RABGAP1L: variants seen among roughly 807,000 people sequenced by gnomAD.
RABGAP1L encodes the protein rab GTPase-activating protein 1-like.
RABGAP1L carries 63 observed loss-of-function variants against 137.7 expected under a neutral mutation model. That is an observed-to-expected ratio of 0.46 (90% confidence interval 0.37 to 0.56). The LOEUF (loss-of-function observed/expected upper bound fraction) is 0.56, where lower values mean the gene tolerates loss of function less well. Among genes scored for constraint, RABGAP1L ranks in the 20% least tolerant of loss-of-function variants. The pLI, the probability that RABGAP1L is intolerant of heterozygous loss-of-function variation, is 0.00. For synonymous variants in RABGAP1L, 431 were observed against 433.7 expected, an observed-to-expected ratio of 0.99 and a Z score of 0.08; for missense variants, 1,095 against 1,244.0, an observed-to-expected ratio of 0.88 and a Z score of 1.80.
In RABGAP1L at chr1:174,437,172, C is replaced by T. The variant is rs948954169; in HGVS notation, c.1710+43027C>T. ...TAAAAATCAGAGTGCCTCTCCTCCT[C>T]CAAAGGAACGCAGCTCCTCACCAGC... On this transcript the variant is annotated intron_variant, in intron 13 of 25. Coordinates refer to ENST00000681986, the MANE Select transcript of RABGAP1L (RefSeq NM_001366446.1). 3.9e-5 allele frequency among the ~76,000 whole-genome samples: 6 copies of T among 152,168 alleles called. No individual in the cohort carries two copies. In the South Asian group the frequency reaches 6.2e-4, roughly 16 times the overall value.
intron 19 of RABGAP1L, among the ~76,000 whole-genome samples, chr1:174,912,588 A>G (rs1660222780): frequency 6.6e-6 from 1 of 152,212 alleles, no homozygotes; most frequent in Admixed American, 6.5e-5. Flanking sequence ...GTCTAATCTG[A>G]TAAGTTTATT....
chr1:174,448,201 A>G lies in RABGAP1L; in HGVS notation c.1710+54056A>G. Reference sequence around the variant, plus strand: ...CCGAGCGTCACTCCTGCCCACTTGGATTTGGCCACTACAGTGTGGTGGATG... The same window carrying G: ...CCGAGCGTCACTCCTGCCCACTTGGGTTTGGCCACTACAGTGTGGTGGATG... On this transcript the variant is annotated intron_variant, in intron 13 of 25. Coordinates refer to ENST00000681986, the MANE Select transcript of RABGAP1L (RefSeq NM_001366446.1). The surrounding 1 kb of genome is among the most constrained non-coding windows in gnomAD (Gnocchi z 4.2). 6.2e-7 allele frequency: 1 copy of G among 1,613,916 alleles called. No homozygotes were observed. The highest frequency in any genetic ancestry group is 8.5e-7 in the Non-Finnish European group (1 of 1,179,938).
chr1:174,316,515 G>A (rs929427563), intron 11 of RABGAP1L, among the ~76,000 whole-genome samples: 3 of 152,174 alleles, frequency 2.0e-5, no homozygotes, highest in African/African-American at 7.2e-5. Flanking sequence ...GATGGTCTTG[G>A]ATAAGATCTG....
intron 11 of RABGAP1L, among the ~76,000 whole-genome samples, 173 bp from the exon 12 acceptor site, chr1:174,370,802 ATATC>A (rs1033874395): frequency 6.6e-6 from 1 of 151,982 alleles, no homozygotes; most frequent in Non-Finnish European, 1.5e-5. Flanking sequence ...TTCTTTTAAA[ATATC>A]TAGGCACTGA....
At position 174,827,503 on chromosome 1, in the gene RABGAP1L, G is replaced by A. The variant is rs1691701062; in HGVS notation, c.2340+15543G>A. On this transcript the variant is annotated intron_variant, in intron 19 of 25. Transcript: ENST00000681986. ...TAACAGTGTTGTTCTCATAGTAACT[G>A]AGTGCGCATTTCTTCTCAATTTCTC... 1.6e-5 allele frequency among the ~76,000 whole-genome samples: 2 copies of A among 122,048 alleles called. 1 individual carries two copies. The highest frequency in any genetic ancestry group is 3.7e-5 in the Non-Finnish European group (2 of 53,798). 80.1% of individuals were successfully genotyped at this position (122,048 alleles called of 152,430 possible).
intron 13 of RABGAP1L, among the ~76,000 whole-genome samples, chr1:174,513,680 C>T (rs1662552533): frequency 6.6e-6 from 1 of 152,102 alleles, no homozygotes; most frequent in East Asian, 1.9e-4. Flanking sequence ...TAGACTAAAT[C>T]ATTATTATAA....
At chr1:174,646,530 G>A (rs983300098) in intron 14 of RABGAP1L, among the ~76,000 whole-genome samples, 4 of 152,102 alleles carry the variant, frequency 2.6e-5, no homozygotes, top group Non-Finnish European at 5.9e-5. Flanking sequence ...TAGATGTGTG[G>A]TGTTATTTCT....
chr1:174,460,389 C>T (rs906996172), intron 13 of RABGAP1L, among the ~76,000 whole-genome samples: 4 of 152,008 alleles, frequency 2.6e-5, no homozygotes, highest in Non-Finnish European at 5.9e-5. Flanking sequence ...ATGATAATGA[C>T]TGTTGATTTT....
At chr1:174,596,063 C>G (rs1025270283) in intron 13 of RABGAP1L, among the ~76,000 whole-genome samples, 3 of 118,746 alleles carry the variant, frequency 2.5e-5, no homozygotes, top group African/African-American at 1.2e-4. Context: ...CGTGGTGCGC[C>G]GTTTCTTAAG....
At position 174,917,932 on chromosome 1, in the gene RABGAP1L, TAAAAA is replaced by T. The variant is rs77326102; in HGVS notation, c.2341-39511_2341-39507del. On this transcript the variant is annotated intron_variant, in intron 19 of 25. Coordinates refer to ENST00000681986, the MANE Select transcript of RABGAP1L (RefSeq NM_001366446.1). ...TGGGTGACAGAGTGAGACTCTGTCT[TAAAAA>T]AAAAAAAAAAAAAGCCCAAAAAACA... is the stretch of plus-strand genomic sequence containing the variant. Among the ~76,000 whole-genome samples the T allele has an allele frequency of 3.4e-5, 4 of 116,466 alleles. No individual in the cohort carries two copies. In the South Asian group the frequency reaches 8.4e-4, roughly 24 times the overall value. 76.4% of individuals were successfully genotyped at this position (116,466 alleles called of 152,430 possible).
intron 13 of RABGAP1L, among the ~76,000 whole-genome samples, chr1:174,477,583 T>C (rs1449402201): frequency 1.3e-5 from 2 of 152,208 alleles, no homozygotes; most frequent in African/African-American, 4.8e-5. Context: ...GTCAAGGTTC[T>C]CATGGGGGAG....
chr1:174,620,657 C>T (rs1672366384), intron 13 of RABGAP1L, among the ~76,000 whole-genome samples: 2 of 152,072 alleles, frequency 1.3e-5, no homozygotes, highest in African/African-American at 2.4e-5. Flanking sequence ...AAATTTATGG[C>T]ACTAAATACC....
intron 11 of RABGAP1L, among the ~76,000 whole-genome samples, chr1:174,325,475 G>T (rs1056384727): frequency 2.0e-5 from 3 of 152,180 alleles, no homozygotes; most frequent in Non-Finnish European, 4.4e-5. Context: ...TGCAACCAAG[G>T]CTGTAAAGCC....
chr1:174,863,132 G>A (rs1650528335), intron 19 of RABGAP1L, among the ~76,000 whole-genome samples: 1 of 139,710 alleles, frequency 7.2e-6, no homozygotes, highest in Admixed American at 7.8e-5. Flanking sequence ...GACCTCAAAT[G>A]TTCCACCCAC....
intron 13 of RABGAP1L, among the ~76,000 whole-genome samples, chr1:174,557,458 C>G (rs1045142747): frequency 2.6e-5 from 4 of 152,192 alleles, no homozygotes; most frequent in African/African-American, 4.8e-5. Context: ...GTGACCCTAC[C>G]CCATCCCCGT....
chr1:174,165,519 G>C (rs1242328989), intron 1 of RABGAP1L, among the ~76,000 whole-genome samples: 3 of 149,528 alleles, frequency 2.0e-5, no homozygotes, highest in African/African-American at 7.4e-5. Context: ...TTAATTTGGA[G>C]ACAGCATCTC....
rs556390139 is a variant in RABGAP1L at position 174,901,031 on chromosome 1, T to C, written c.2341-56426T>C. Among the ~76,000 whole-genome samples the C allele has an allele frequency of 5.9e-5, 9 of 152,328 alleles. No individual in the cohort carries two copies. In the East Asian group the frequency reaches 1.2e-3, roughly 20 times the overall value. On this transcript the variant is annotated intron_variant, in intron 19 of 25. Transcript: ENST00000681986. ...TCTCTATTCTTGTTTGCCTGTCTTA[T>C]TTCCGAAAGATAGTCTTCAAGCTCT...
intron 13 of RABGAP1L, among the ~76,000 whole-genome samples, chr1:174,619,977 C>G (rs4652669): frequency 0.023 from 3,513 of 151,962 alleles, 56 homozygotes; most frequent in Middle Eastern, 0.048. Flanking sequence ...AAAAAAGGTA[C>G]GGGTTGCAAT....
chr1:174,754,745 T>C (rs1684595716), intron 18 of RABGAP1L, among the ~76,000 whole-genome samples: 1 of 152,136 alleles, frequency 6.6e-6, no homozygotes, highest in African/African-American at 2.4e-5. Flanking sequence ...CAAGCAGTCC[T>C]CCTGCCTTGG....
Sources: allele counts gnomAD v4.1 joint callset (sites outside exome capture counted in the v4.1 genomes callset), GRCh38; gene constraint gnomAD v4.1.1; non-coding constraint Gnocchi (gnomAD v3.1); transcripts MANE v1.5; gene names NCBI Gene and HGNC (gene_info 2026-07-23, HGNC 2026-07-21).